Variants in NTRK2 observed in about 807,000 individuals in gnomAD.
The protein encoded by NTRK2 is neurotrophic receptor tyrosine kinase 2, also known as BDNF/NT-3 growth factors receptor.
NTRK2 carries 13 observed loss-of-function variants against 94.5 expected under a neutral mutation model. The observed-to-expected ratio is 0.14, with a 90% CI of 0.09 to 0.22. NTRK2 has a LOEUF of 0.22. Among genes scored for constraint, NTRK2 ranks in the 10% least tolerant of loss-of-function variants. NTRK2 has a pLI of 1.00. For missense variants in NTRK2, 639 were observed against 1,071.2 expected (o/e 0.60, Z 5.63); for synonymous variants, 372 against 407.4 (o/e 0.91, Z 1.05).
chr9:84,783,746 A>C (rs1390158082), intron 12 of NTRK2, among the ~76,000 whole-genome samples: 1 of 151,918 alleles, frequency 6.6e-6, no homozygotes, highest in African/African-American at 2.4e-5. Context: ...GCATTCATAC[A>C]TTTGCTAGGA....
chr9:84,788,763 A>G (rs2068404806), intron 12 of NTRK2, among the ~76,000 whole-genome samples: 2 of 151,986 alleles, frequency 1.3e-5, no homozygotes, highest in South Asian at 4.2e-4. Context: ...CCTAAAGTGG[A>G]TGTTAGGTAG....
At chr9:84,687,239 C>A (rs770910912) in intron 2 of NTRK2, among the ~76,000 whole-genome samples, 10 of 152,226 alleles carry the variant, frequency 6.6e-5, no homozygotes, top group South Asian at 4.2e-4. Context: ...ATGGAACCAA[C>A]ATAAAATGTT....
In NTRK2 at chr9:84,864,741, T is replaced by C. The variant is rs916036682; in HGVS notation, c.1445-2502T>C. Among the ~76,000 whole-genome samples, 19 of 132,400 alleles carry C rather than the reference T, an allele frequency of 1.4e-4. 1 individual carries two copies. Among genetic ancestry groups the C allele is most frequent in the South Asian group, 4.8e-4 (2 of 4,210 alleles). The allele number at this position is 132,400 out of a possible 152,430, so 86.9% of individuals were successfully genotyped here. A position where few individuals can be genotyped will look rare whatever the true frequency, so the allele number is the denominator to read the frequency against. On this transcript the variant is annotated intron_variant, in intron 13 of 18. Transcript: ENST00000277120. ...GCATAACACATCTTAATTTTCTTTTTTTTTTTTTTTTTTTTTTGAAACTGA... is the reference window on the plus strand; with the variant it reads ...GCATAACACATCTTAATTTTCTTTTCTTTTTTTTTTTTTTTTTGAAACTGA...
At chr9:85,015,051 G>C (rs969175487) in intron 17 of NTRK2, among the ~76,000 whole-genome samples, 4 of 152,258 alleles carry the variant, frequency 2.6e-5, no homozygotes, top group East Asian at 1.9e-4. Flanking sequence ...GATTAGCCCT[G>C]ATGGTCATCT....
At chr9:84,991,771 G>T (rs1829101513) in intron 17 of NTRK2, among the ~76,000 whole-genome samples, 1 of 152,106 alleles carries the variant, frequency 6.6e-6, no homozygotes, top group African/African-American at 2.4e-5. Context: ...CAGGGCCAGT[G>T]CCCCCTTGCA....
rs766162328 is a variant in NTRK2 at position 84,724,342 on chromosome 9, A to C, written c.839A>C (p.Asn280Thr). The part of the protein sequence containing the change: ...NLVGEDQDSV[N>T]LTVHFAPTIT... ...GTAGGAGAAGATCAAGATTCTGTCA[A>C]CCTCACTGTGCATTGTACGTAATCA... Residue 280 changes from asparagine to threonine, a missense_variant, in exon 8 of 19, where the codon AAC (asparagine) becomes ACC (threonine). Physicochemically the swap from Asn to Thr is moderately conservative, Grantham distance 65. This residue lies in a region of NTRK2 where 343 missense variants were observed against 571.5 expected (regional missense o/e 0.60). Coordinates refer to ENST00000277120, the MANE Select transcript of NTRK2 (RefSeq NM_006180.6). 1 of 1,614,122 alleles carries C rather than the reference A, an allele frequency of 6.2e-7. No homozygotes were observed.
chr9:84,883,415 G>C (rs1195668273), intron 14 of NTRK2, among the ~76,000 whole-genome samples: 1 of 152,210 alleles, frequency 6.6e-6, no homozygotes, highest in Non-Finnish European at 1.5e-5. Flanking sequence ...ACATGGAACT[G>C]TTTCACTCAT....
intron 17 of NTRK2, among the ~76,000 whole-genome samples, chr9:85,013,820 T>C (rs1831908985): frequency 6.6e-6 from 1 of 152,136 alleles, no homozygotes; most frequent in African/African-American, 2.4e-5. Flanking sequence ...GGCCTACAAG[T>C]TTCTAAGGGA....
rs575599433 is a variant in NTRK2, at chr9:84,728,226, G to A, written c.1159+267G>A. 5.3e-5 allele frequency among the ~76,000 whole-genome samples: 8 copies of A among 152,224 alleles called. No individual in the cohort carries two copies. The East Asian group carries it at 1.5e-3, about 29-fold the overall frequency. On this transcript the variant is annotated intron_variant, in intron 9 of 18. Transcript: ENST00000277120. The stretch of plus-strand genomic sequence containing the variant: ...AAGAGGACAACTGCAACGATGTGAG[G>A]CTTCCTAAGGCCTAGATTCAGGGCT...
chr9:84,918,876 T>C (rs1011744700), intron 14 of NTRK2, among the ~76,000 whole-genome samples: 8 of 152,232 alleles, frequency 5.3e-5, no homozygotes, highest in Non-Finnish European at 8.8e-5. Flanking sequence ...GTTTCTCTGC[T>C]TCTGGGCACT....
At chr9:84,888,674 A>G (rs1017085948) in intron 14 of NTRK2, among the ~76,000 whole-genome samples, 1 of 141,350 alleles carries the variant, frequency 7.1e-6, no homozygotes, top group African/African-American at 2.6e-5. Flanking sequence ...ACTCAAACCC[A>G]GGTTCCCTGC....
chr9:84,789,569 G>A (rs551971405), intron 12 of NTRK2, among the ~76,000 whole-genome samples: 1 of 152,266 alleles, frequency 6.6e-6, no homozygotes, highest in East Asian at 1.9e-4. Context: ...AGCTTCCTTG[G>A]GGAAGCTGAG....
chr9:84,815,630 C>T, intron 12 of NTRK2: 1 of 986,586 alleles, frequency 1.0e-6, no homozygotes, highest in Non-Finnish European at 1.2e-6. Context: ...GCTGTTTTAA[C>T]AATGTAGATA....
At chr9:84,734,195 A>G (rs1039132232) in intron 9 of NTRK2, among the ~76,000 whole-genome samples, 3 of 152,212 alleles carry the variant, frequency 2.0e-5, no homozygotes, top group African/African-American at 7.2e-5. Context: ...CCAGCTTAGA[A>G]GGTTGCCGCC....
At chr9:84,716,366 A>G (rs1284531011) in intron 6 of NTRK2, among the ~76,000 whole-genome samples, 1 of 152,202 alleles carries the variant, frequency 6.6e-6, no homozygotes, top group Non-Finnish European at 1.5e-5. Context: ...CTTGAGATAA[A>G]TTGAATTTAA....
intron 14 of NTRK2, chr9:84,875,408 G>A: frequency 9.4e-7 from 1 of 1,061,978 alleles, no homozygotes; most frequent in Non-Finnish European, 1.1e-6. Context: ...AAAGACTCAG[G>A]AAATGAGAGG....
intron 12 of NTRK2, among the ~76,000 whole-genome samples, chr9:84,778,722 A>C (rs1010005846): frequency 6.6e-6 from 1 of 152,208 alleles, no homozygotes; most frequent in Non-Finnish European, 1.5e-5. Flanking sequence ...GCTTCAGTGA[A>C]GCTCATGATG....
intron 12 of NTRK2, among the ~76,000 whole-genome samples, chr9:84,790,230 A>G (rs922529201): frequency 1.1e-4 from 16 of 152,320 alleles, no homozygotes; most frequent in African/African-American, 3.8e-4. Context: ...TTTATTTGTC[A>G]TTACCTTTTA....
Position 84,948,510 on chromosome 9 carries a change from G to A in NTRK2, c.1813G>A (p.Ala605Thr), listed in dbSNP as rs2132882603. The change falls in exon 16 of 19, where the codon GCC becomes ACC. Residue 605 changes from alanine to threonine, a missense_variant. Around this residue, in one of 5 missense-constraint regions of NTRK2, gnomAD observed 343 missense variants for 571.5 expected, o/e 0.60. Coordinates refer to ENST00000277120, the MANE Select transcript of NTRK2 (RefSeq NM_006180.6). ...DNARKDFHREAELLTNLQHEH... is the reference protein window; with the variant it reads ...DNARKDFHRETELLTNLQHEH... ...TGCACGCAAGGACTTCCACCGTGAG[G>A]CCGAGCTCCTGACCAACCTCCAGCA... 1 of 1,614,140 alleles carries A rather than the reference G, an allele frequency of 6.2e-7. No individual in the cohort carries two copies. The highest frequency in any genetic ancestry group is 8.5e-7 in the Non-Finnish European group (1 of 1,180,036).
Sources: gnomAD v4.1 joint callset for allele counts (sites outside exome capture counted in the v4.1 genomes callset) on GRCh38, gnomAD v4.1.1 for gene constraint, gnomAD v4.1.1 regional missense constraint, MANE v1.5 for transcripts, NCBI Gene and HGNC (gene_info 2026-07-23, HGNC 2026-07-21) for gene names.